Variants in KIF13A observed in about 807,000 individuals in gnomAD.
KIF13A encodes kinesin-like protein KIF13A.
In KIF13A, 79 loss-of-function variants were observed where a neutral mutation model predicts 212.2. The ratio of observed to expected loss-of-function variants is 0.37; its 90% CI spans 0.31 to 0.45. KIF13A has a LOEUF of 0.45. KIF13A is among the 20% of genes least tolerant of loss of function. The pLI is 1.00. For synonymous variants in KIF13A, 789 were observed against 808.6 expected, an observed-to-expected ratio of 0.98 and a Z score of 0.41; for missense variants, 1,901 against 2,209.0, an observed-to-expected ratio of 0.86 and a Z score of 2.79.
Position 17,825,950 on chromosome 6 carries a change from C to T in KIF13A, c.1620-16G>A, listed in dbSNP as rs748428493. On this transcript the variant is annotated splice_polypyrimidine_tract_variant and intron_variant, in intron 15 of 38. Coordinates refer to ENST00000259711, the MANE Select transcript of KIF13A (RefSeq NM_022113.6). This position sits in a 1 kb window ranked among gnomAD's most constrained non-coding sequence, Gnocchi z 4.5. ...TAAGTTTATTCTGTGGGGTTTTTCA[C>T]CATTAGAGAAAATCAACTTGTTTTA... The T allele has an allele frequency of 3.1e-6, 5 of 1,612,984 alleles. No homozygotes were observed. In the South Asian group the frequency reaches 5.5e-5, roughly 18 times the overall value.
chr6:17,906,774 A>G (rs1773542900), intron 2 of KIF13A, among the ~76,000 whole-genome samples: 1 of 152,176 alleles, frequency 6.6e-6, no homozygotes, highest in African/African-American at 2.4e-5. Flanking sequence ...TTTCAAGAAC[A>G]CTATTCTTGC....
chr6:17,777,392 T>TC lies in KIF13A; in HGVS notation c.4093-39_4093-38insG. On this transcript the variant is annotated intron_variant, in intron 33 of 38. Transcript: ENST00000259711. This position sits in a 1 kb window ranked among gnomAD's most constrained non-coding sequence, Gnocchi z 4.4. The stretch of plus-strand genomic sequence containing the variant: ...TAATTTGAAAATAACACTTTTTTTT[T>TC]TTTTCCCCAGAGACAGAGTCTCACT... 1.3e-6 allele frequency: 2 copies of TC among 1,525,008 alleles called. No individual in the cohort carries two copies. The highest frequency in any genetic ancestry group is 1.8e-6 in the Non-Finnish European group (2 of 1,116,546). 94.5% of individuals were successfully genotyped at this position (1,525,008 alleles called of 1,614,324 possible).
At chr6:17,819,867 T>C (rs1157996912) in intron 16 of KIF13A, among the ~76,000 whole-genome samples, 1 of 152,142 alleles carries the variant, frequency 6.6e-6, no homozygotes, top group Non-Finnish European at 1.5e-5. Context: ...GCTCTGGGTT[T>C]AAAAAAGAAA....
At chr6:17,762,466 C>A (rs969083360), downstream of KIF13A, among the ~76,000 whole-genome samples, 10 of 152,144 alleles carry the variant, frequency 6.6e-5, no homozygotes, top group African/African-American at 2.4e-4. Flanking sequence ...CCTGCCTCGG[C>A]CTTCCAAAAT....
At chr6:17,929,493 C>T (rs945249605) in intron 2 of KIF13A, among the ~76,000 whole-genome samples, 2 of 151,982 alleles carry the variant, frequency 1.3e-5, no homozygotes, top group Admixed American at 6.6e-5. Flanking sequence ...CTCTGCCTCC[C>T]GGGTTCACGG....
At chr6:17,866,856 TATATATATATATATATATATTTAC>T (rs1769445385) in intron 4 of KIF13A, among the ~76,000 whole-genome samples, 1 of 71,338 alleles carries the variant, frequency 1.4e-5, no homozygotes, top group Admixed American at 1.3e-4. Flanking sequence ...TATATATATA[TATATATATATATATATATATTTAC>T]ACACACACAT....
intron 2 of KIF13A, among the ~76,000 whole-genome samples, chr6:17,979,190 G>C (rs1020465772): frequency 6.6e-6 from 1 of 152,176 alleles, no homozygotes; most frequent in African/African-American, 2.4e-5. Flanking sequence ...CTACTTGGAA[G>C]GCTGAGGCAC....
intron 9 of KIF13A, among the ~76,000 whole-genome samples, chr6:17,848,767 G>A (rs987192511): frequency 6.6e-6 from 1 of 151,732 alleles, no homozygotes; most frequent in African/African-American, 2.4e-5. Flanking sequence ...GTAGAGATGG[G>A]TACAAACGGG....
In KIF13A at chr6:17,837,145, T is replaced by G; in HGVS notation, c.943-55A>C. 2 of 1,438,096 alleles carry G rather than the reference T, an allele frequency of 1.4e-6. No homozygotes were observed. The highest frequency in any genetic ancestry group is 2.0e-6 in the Non-Finnish European group (2 of 1,025,328). 89.1% of individuals were successfully genotyped at this position (1,438,096 alleles called of 1,614,324 possible). On this transcript the variant is annotated intron_variant, in intron 10 of 38. Transcript: ENST00000259711. This position sits in a 1 kb window ranked among gnomAD's most constrained non-coding sequence, Gnocchi z 5.4. Reference sequence around the variant, plus strand: ...AAGCCCATTCCATGGACAACACATATGATAAAAGCACTAAATGTGTTAGGT... The same window carrying G: ...AAGCCCATTCCATGGACAACACATAGGATAAAAGCACTAAATGTGTTAGGT...
intron 18 of KIF13A, among the ~76,000 whole-genome samples, chr6:17,807,298 T>A (rs1294460133): frequency 2.0e-5 from 3 of 152,126 alleles, no homozygotes; most frequent in Non-Finnish European, 4.4e-5. Context: ...GGAGATATAT[T>A]GCTAAATTCT....
Position 17,837,648 on chromosome 6 carries a change from A to C in KIF13A, c.831-65T>G. The C allele has an allele frequency of 9.1e-7, 1 of 1,097,036 alleles. No homozygotes were observed. The allele number at this position is 1,097,036 out of a possible 1,614,324, so 68.0% of individuals were successfully genotyped here. Reference sequence around the variant, plus strand: ...TATTTGGTTTAAGTATAAAATATGCAGAACAATAAAGCTCCACAGTTAATA... The same window carrying C: ...TATTTGGTTTAAGTATAAAATATGCCGAACAATAAAGCTCCACAGTTAATA... On this transcript the variant is annotated intron_variant, in intron 9 of 38. Coordinates refer to ENST00000259711, the MANE Select transcript of KIF13A (RefSeq NM_022113.6). This position sits in a 1 kb window ranked among gnomAD's most constrained non-coding sequence, Gnocchi z 5.4.
At chr6:17,885,554 C>T (rs147169623) in intron 3 of KIF13A, among the ~76,000 whole-genome samples, 47 of 152,318 alleles carry the variant, frequency 3.1e-4, no homozygotes, top group Admixed American at 2.3e-3. Flanking sequence ...AGGGAATGCA[C>T]GGTCTGTTCT....
At position 17,829,226 on chromosome 6, in the gene KIF13A, C is replaced by T. The variant is rs923123290; in HGVS notation, c.1402-856G>A. ...TCTCCCAAAGTTCTGGGATTACTGG[C>T]GTGAGACTGAGAACATTTTAAACTA... On this transcript the variant is annotated intron_variant, in intron 13 of 38. Coordinates refer to ENST00000259711, the MANE Select transcript of KIF13A (RefSeq NM_022113.6). This position sits in a 1 kb window ranked among gnomAD's most constrained non-coding sequence, Gnocchi z 5.4. Among the ~76,000 whole-genome samples, 3 of 152,134 alleles carry T rather than the reference C, an allele frequency of 2.0e-5. No homozygotes were observed. The highest frequency in any genetic ancestry group is 7.2e-5 in the African/African-American group (3 of 41,430).
chr6:17,847,116 G>T (rs1767143097), intron 9 of KIF13A, among the ~76,000 whole-genome samples: 1 of 151,184 alleles, frequency 6.6e-6, no homozygotes, highest in Admixed American at 6.6e-5. Context: ...ATCTACGCCA[G>T]TCATACACAC....
At position 17,764,230 on chromosome 6, in the gene KIF13A, A is replaced by G. The variant is rs367765339; in HGVS notation, c.5298T>C (p.Asn1766=). The G allele has an allele frequency of 3.1e-6, 5 of 1,613,874 alleles. No individual in the cohort carries two copies. Among genetic ancestry groups the G allele is most frequent in the African/African-American group, 2.7e-5 (2 of 74,936 alleles). ...CGGAGACAGTCTTGCCGCCTGTTTTATTTGGTAGACTCCTCCTACTGGAAA... is the reference window on the plus strand; with the variant it reads ...CGGAGACAGTCTTGCCGCCTGTTTTGTTTGGTAGACTCCTCCTACTGGAAA... ...GELSSRRSLP[N]KTGGKTVSDG... The change falls in exon 39 of 39, where the codon AAT becomes AAC. Residue 1766 remains asparagine, a synonymous_variant. Transcript: ENST00000259711. The surrounding 1 kb of genome is among the most constrained non-coding windows in gnomAD (Gnocchi z 5.1).
chr6:17,905,631 G>C (rs572321056), intron 2 of KIF13A, among the ~76,000 whole-genome samples: 3 of 152,348 alleles, frequency 2.0e-5, no homozygotes, highest in Admixed American at 6.5e-5. Flanking sequence ...ACTGGGCAAA[G>C]AGGGAATTTT....
intron 2 of KIF13A, among the ~76,000 whole-genome samples, chr6:17,976,034 G>A (rs541601380): frequency 6.6e-6 from 1 of 152,222 alleles, no homozygotes; most frequent in African/African-American, 2.4e-5. Context: ...CAAACCTTGA[G>A]CTAGATACAG....
intron 18 of KIF13A, 61 bp from the exon 19 acceptor site, chr6:17,805,676 A>C: frequency 3.4e-6 from 5 of 1,461,344 alleles, no homozygotes; most frequent in Non-Finnish European, 4.7e-6. Context: ...TTGCTAAAGC[A>C]ATATATATAC....
At chr6:17,952,882 A>T (rs1777995373) in intron 2 of KIF13A, among the ~76,000 whole-genome samples, 1 of 151,650 alleles carries the variant, frequency 6.6e-6, no homozygotes, top group Non-Finnish European at 1.5e-5. Flanking sequence ...GTGAGCCGAG[A>T]TAGCGCCACT....
Sources: allele counts gnomAD v4.1 joint callset (sites outside exome capture counted in the v4.1 genomes callset), GRCh38; gene constraint gnomAD v4.1.1; non-coding constraint Gnocchi (gnomAD v3.1); transcripts MANE v1.5; gene names NCBI Gene and HGNC (gene_info 2026-07-23, HGNC 2026-07-21).